The following GPR142 variants were observed in gnomAD, a reference collection of about 807,000 sequenced individuals.
GPR142 encodes G-protein coupled receptor 142 long form.
In GPR142, 9 loss-of-function variants were observed where a neutral mutation model predicts 10.6. The ratio of observed to expected loss-of-function variants is 0.85; its 90% CI spans 0.51 to 1.48. The LOEUF is 1.48. Ranked by LOEUF, GPR142 falls within the 40% of genes most tolerant of loss-of-function variation. The pLI is 0.00. For synonymous variants in GPR142, 202 were observed against 221.2 expected (o/e 0.91, Z 0.77); for missense variants, 482 against 506.0 (o/e 0.95, Z 0.45).
chr17:74,370,740 A>G (rs368942973), intron 3 of GPR142, 61 bp downstream of exon 3: 31 of 1,511,058 alleles, frequency 2.1e-5, no homozygotes, highest in South Asian at 1.8e-4. Context: ...TCCTCCTTCA[A>G]TGGGTGCCAG....
chr17:74,369,599 G>A lies in GPR142; in HGVS notation c.59G>A (p.Gly20Glu). The A allele has an allele frequency of 1.9e-6, 3 of 1,551,250 alleles. No individual in the cohort carries two copies. Among genetic ancestry groups the A allele is most frequent in the African/African-American group, 1.4e-5 (1 of 73,112 alleles). ...AAGCCACAGGTGACCCAGGACTCAG[G>A]GCCCCAGAGCATGGGGCTTGAGGGA... ...QKKPQVTQDS[G>E]PQSMGLEGRE... The change falls in exon 2 of 4, where the codon GGG (glycine) becomes GAG (glutamate). Residue 20 changes from glycine (G) to glutamate (E), a missense_variant. Physicochemically the swap from Gly to Glu is moderately conservative, Grantham distance 98 (BLOSUM62 -2). Transcript: ENST00000582579.
chr17:74,367,634 G>A lies in GPR142; in HGVS notation c.-234G>A. ...ACAAATCAATGGTGTCCCATGCACAGAAAAGCCAGCATTCTTGTCTCAGCC... is the reference window on the plus strand; with the variant it reads ...ACAAATCAATGGTGTCCCATGCACAAAAAAGCCAGCATTCTTGTCTCAGCC... On this transcript the variant is annotated 5_prime_UTR_variant, in exon 1 of 4. Coordinates refer to ENST00000582579, the MANE Select transcript of GPR142 (RefSeq NM_001331076.1). 6.2e-7 allele frequency: 1 copy of A among 1,614,214 alleles called. No individual in the cohort carries two copies. Among genetic ancestry groups the A allele is most frequent in the Non-Finnish European group, 8.5e-7 (1 of 1,180,044 alleles).
At chr17:74,368,714 T>G (rs1438527754) in intron 1 of GPR142, among the ~76,000 whole-genome samples, 1 of 152,170 alleles carries the variant, frequency 6.6e-6, no homozygotes, top group Non-Finnish European at 1.5e-5. Flanking sequence ...AGAGCCAGTC[T>G]GGCCTCTTCT....
rs199643015 is a variant in GPR142, at chr17:74,369,539, C to T, written c.-2C>T. ...GCCAAGGGGTGAGAGGTACAGCTGG[C>T]GATGCTGACAGGGAGCTGCGGGGAC... On this transcript the variant is annotated 5_prime_UTR_variant, in exon 2 of 4. Coordinates refer to ENST00000582579, the MANE Select transcript of GPR142 (RefSeq NM_001331076.1). 233 of 1,556,542 alleles carry T rather than the reference C, an allele frequency of 1.5e-4. 1 individual carries two copies. In the East Asian group the frequency reaches 3.4e-3, roughly 23 times the overall value.
intron 2 of GPR142, 53 bp from the exon 3 acceptor site, chr17:74,370,468 G>C (rs938884131): frequency 3.2e-6 from 5 of 1,554,186 alleles, no homozygotes; most frequent in Non-Finnish European, 4.3e-6. Flanking sequence ...GCTGCGCCCA[G>C]CCAGGTTAGA....
chr17:74,371,650 T>G, intron 3 of GPR142, 79 bp from the exon 4 acceptor site: 3 of 1,377,864 alleles, frequency 2.2e-6, no homozygotes, highest in South Asian at 2.7e-5. Flanking sequence ...GATGGGGAGG[T>G]GCGATGGCGA....
chr17:74,371,030 G>A (rs1182443714), intron 3 of GPR142, among the ~76,000 whole-genome samples: 1 of 152,214 alleles, frequency 6.6e-6, no homozygotes, highest in Non-Finnish European at 1.5e-5. Context: ...GGAAGGACGG[G>A]TGGTCTCGGC....
chr17:74,368,105 G>A (rs1054076480), intron 1 of GPR142, among the ~76,000 whole-genome samples: 2 of 152,172 alleles, frequency 1.3e-5, no homozygotes, highest in Non-Finnish European at 2.9e-5. Flanking sequence ...ACACAGCGAG[G>A]CCCCAAACTC....
At chr17:74,368,201 C>A (rs2054995437) in intron 1 of GPR142, among the ~76,000 whole-genome samples, 1 of 151,522 alleles carries the variant, frequency 6.6e-6, no homozygotes, top group South Asian at 2.1e-4. Flanking sequence ...CCCTCCTTGC[C>A]CCTCACCCAT....
chr17:74,372,583 A>G lies in GPR142; in HGVS notation c.1108A>G (p.Thr370Ala). The G allele has an allele frequency of 1.2e-6, 2 of 1,605,710 alleles. No homozygotes were observed. The highest frequency in any genetic ancestry group is 1.7e-6 in the Non-Finnish European group (2 of 1,179,656). ...TGTGATGGAGCCTCCGGGACTCCCC[A>G]CAGGGGCAGAAGTGTAGAGGAGGGG... The part of the protein sequence containing the change: ...KPVMEPPGLP[T>A]GAEV The change falls in exon 4 of 4, where the codon ACA (threonine) becomes GCA (alanine). Residue 370 changes from threonine (T) to alanine (A), a missense_variant. By Grantham distance (58) the Thr-to-Ala change is moderately conservative. Coordinates refer to ENST00000582579, the MANE Select transcript of GPR142 (RefSeq NM_001331076.1).
At chr17:74,370,840 T>C (rs974801623) in intron 3 of GPR142, among the ~76,000 whole-genome samples, 161 bp downstream of exon 3, 2 of 152,138 alleles carry the variant, frequency 1.3e-5, no homozygotes, top group Admixed American at 6.5e-5. Flanking sequence ...TGGAGGGGAA[T>C]ACAAGTAAGG....
Position 74,371,817 on chromosome 17 carries a change from G to A in GPR142, c.342G>A (p.Ser114=), listed in dbSNP as rs201879156. 213 of 1,613,504 alleles carry A rather than the reference G, an allele frequency of 1.3e-4. No homozygotes were observed. The highest frequency in any genetic ancestry group is 5.1e-4 in the East Asian group (23 of 44,882). ...SYYYLLALTA[S]DIIIQVVIVF... The stretch of plus-strand genomic sequence containing the variant: ...ACTACCTTCTGGCGCTCACAGCCTC[G>A]GATATCATCATCCAGGTGGTCATCG... The change falls in exon 4 of 4, where the codon TCG becomes TCA. Residue 114 remains serine (S), a synonymous_variant. Coordinates refer to ENST00000582579, the MANE Select transcript of GPR142 (RefSeq NM_001331076.1).
At chr17:74,368,060 C>A (rs916222008) in intron 1 of GPR142, among the ~76,000 whole-genome samples, 7 of 152,168 alleles carry the variant, frequency 4.6e-5, no homozygotes, top group African/African-American at 1.4e-4. Context: ...GCAGAAGGAC[C>A]ACTTGAAGCC....
chr17:74,368,844 C>A (rs1251691514), intron 1 of GPR142, among the ~76,000 whole-genome samples: 1 of 152,172 alleles, frequency 6.6e-6, no homozygotes, highest in Non-Finnish European at 1.5e-5. Flanking sequence ...CCAGCACCGG[C>A]TGCAGGCAGC....
rs1189987418 is a variant in GPR142 at position 74,372,268 on chromosome 17, G to C, written c.793G>C (p.Gly265Arg). 6.2e-7 allele frequency: 1 copy of C among 1,613,604 alleles called. No homozygotes were observed. Among genetic ancestry groups the C allele is most frequent in the South Asian group, 1.1e-5 (1 of 91,078 alleles). ...CCGGAGTGGGCTGCAGCCCCGGGTG[G>C]GCAAGAGCACAGCCATCCTCCTGGG... ...RGRSGLQPRV[G>R]KSTAILLGIT... is the part of the protein sequence containing the mutation. The change falls in exon 4 of 4, where the codon GGC (glycine) becomes CGC (arginine). Residue 265 changes from glycine to arginine, a missense_variant. By Grantham distance (125) the Gly-to-Arg change is moderately radical (BLOSUM62 -2). Transcript: ENST00000582579.
At chr17:74,370,131 C>T (rs73364574) in intron 2 of GPR142, among the ~76,000 whole-genome samples, 2,863 of 152,108 alleles carry the variant, frequency 0.019, 100 homozygotes, top group African/African-American at 0.065. Context: ...ACGGCTGCTG[C>T]AACCCCGCTT....
At chr17:74,368,964 T>C (rs2055003224) in intron 1 of GPR142, among the ~76,000 whole-genome samples, 1 of 151,998 alleles carries the variant, frequency 6.6e-6, no homozygotes, top group Admixed American at 6.6e-5. Context: ...GGACTGACCC[T>C]GTGCACCTGG....
intron 3 of GPR142, among the ~76,000 whole-genome samples, chr17:74,371,217 C>T (rs2055022220): frequency 7.0e-6 from 1 of 143,404 alleles, no homozygotes; most frequent in South Asian, 2.2e-4. Context: ...AGTGCAGTGG[C>T]ATGATCTCGG....
At position 74,371,892 on chromosome 17, in the gene GPR142, C is replaced by T. The variant is rs1439737341; in HGVS notation, c.417C>T (p.Pro139=). 2 of 1,613,140 alleles carry T rather than the reference C, an allele frequency of 1.2e-6. No individual in the cohort carries two copies. Among genetic ancestry groups the T allele is most frequent in the Non-Finnish European group, 1.7e-6 (2 of 1,180,018 alleles). Residue 139 remains proline, a synonymous_variant, in exon 4 of 4, where the codon CCC becomes CCT. Transcript: ENST00000582579. ...LQGAVLARQV[P]QAVVRTANIL... The stretch of plus-strand genomic sequence containing the variant: ...GAGCAGTGCTGGCCCGCCAGGTGCC[C>T]CAGGCTGTGGTGCGCACGGCCAACA...
Sources: allele counts gnomAD v4.1 joint callset (sites outside exome capture counted in the v4.1 genomes callset), GRCh38; gene constraint gnomAD v4.1.1; transcripts MANE v1.5; gene names NCBI Gene and HGNC (gene_info 2026-07-23, HGNC 2026-07-21).